Variants in TTLL11 observed in about 807,000 individuals in gnomAD.
The protein encoded by TTLL11 is tubulin polyglutamylase TTLL11.
In TTLL11, 42 loss-of-function variants were observed where a neutral mutation model predicts 51.7. The observed-to-expected ratio is 0.81, with a 90% CI of 0.64 to 1.05. TTLL11 has a LOEUF of 1.05. Among genes scored for constraint, TTLL11 ranks in the 50% least tolerant of loss-of-function variants. The probability of loss-of-function intolerance (pLI) is 0.00; values close to 1 mark genes in which losing one functional copy is unlikely to be tolerated. For synonymous variants in TTLL11, 381 were observed against 383.5 expected, an observed-to-expected ratio of 0.99 and a Z score of 0.08; for missense variants, 799 against 940.4, an observed-to-expected ratio of 0.85 and a Z score of 1.97.
At position 121,868,130 on chromosome 9, in the gene TTLL11, A is replaced by C. The variant is rs142404335; in HGVS notation, c.1733+2367T>G. Among the ~76,000 whole-genome samples the C allele has an allele frequency of 5.5e-4, 83 of 152,200 alleles. 1 individual carries two copies. Among genetic ancestry groups the C allele is most frequent in the African/African-American group, 2.0e-3 (82 of 41,536 alleles). Reference sequence around the variant, plus strand: ...CAAGGAAGCTTCTGCCTTTGCTCCAAAGATCTGTGCCCACAGATGTCTTAT... The same window carrying C: ...CAAGGAAGCTTCTGCCTTTGCTCCACAGATCTGTGCCCACAGATGTCTTAT... On this transcript the variant is annotated intron_variant, in intron 7 of 8. Coordinates refer to ENST00000321582, the MANE Select transcript of TTLL11 (RefSeq NM_001139442.2).
chr9:121,991,636 G>C (rs1843117161), intron 3 of TTLL11, among the ~76,000 whole-genome samples: 1 of 152,188 alleles, frequency 6.6e-6, no homozygotes, highest in African/African-American at 2.4e-5. Context: ...ATATTATCCA[G>C]AGCAATATTT....
At chr9:121,903,563 A>G (rs1458493682) in intron 6 of TTLL11, among the ~76,000 whole-genome samples, 1 of 152,244 alleles carries the variant, frequency 6.6e-6, no homozygotes, top group African/African-American at 2.4e-5. Flanking sequence ...TATCCTTAAA[A>G]TGAAGGTAAT....
intron 3 of TTLL11, among the ~76,000 whole-genome samples, chr9:122,028,487 T>A (rs1190035199): frequency 6.6e-6 from 1 of 152,106 alleles, no homozygotes; most frequent in African/African-American, 2.4e-5. Context: ...AAGTTACTGA[T>A]AAAGGAGTCA....
chr9:121,841,408 C>A (rs1341882508), intron 8 of TTLL11, among the ~76,000 whole-genome samples: 1 of 152,190 alleles, frequency 6.6e-6, no homozygotes, highest in Non-Finnish European at 1.5e-5. Flanking sequence ...TCTCCAGGCC[C>A]TGTGTTGCCA....
At chr9:122,077,850 G>GATGGGAGGA (rs1320877963) in intron 1 of TTLL11, among the ~76,000 whole-genome samples, 1 of 137,024 alleles carries the variant, frequency 7.3e-6, no homozygotes, top group Admixed American at 7.3e-5. Flanking sequence ...AAAAAAAAAA[G>GATGGGAGGA]ATGGGAGGAA....
At chr9:121,902,253 C>T (rs1384178407) in intron 6 of TTLL11, among the ~76,000 whole-genome samples, 4 of 152,288 alleles carry the variant, frequency 2.6e-5, no homozygotes, top group Non-Finnish European at 5.9e-5. Flanking sequence ...ATTTTGAAAG[C>T]TTTTTCCTCC....
intron 1 of TTLL11, among the ~76,000 whole-genome samples, chr9:122,049,406 G>C (rs565379261): frequency 6.6e-6 from 1 of 152,238 alleles, no homozygotes; most frequent in Admixed American, 6.5e-5. Flanking sequence ...TATAGTAAGG[G>C]CAGAGGCAGG....
At chr9:121,842,874 T>G (rs1173102847) in intron 8 of TTLL11, among the ~76,000 whole-genome samples, 2 of 152,236 alleles carry the variant, frequency 1.3e-5, no homozygotes, top group African/African-American at 4.8e-5. Context: ...ATTATGGCTC[T>G]ACCACTCACG....
At chr9:121,892,061 AATAT>A (rs1839261284) in intron 6 of TTLL11, among the ~76,000 whole-genome samples, 1 of 146,662 alleles carries the variant, frequency 6.8e-6, no homozygotes, top group South Asian at 2.1e-4. Context: ...AAATATAAAA[AATAT>A]ATAAACTATA....
rs1288382468 is a variant in TTLL11 at position 121,816,011 on chromosome 9, T to G, written c.*6576A>C. The G allele has an allele frequency of 1.3e-5, 2 of 152,126 alleles. No homozygotes were observed. Among genetic ancestry groups the G allele is most frequent in the Admixed American group, 1.3e-4 (2 of 15,280 alleles). 9.4% of individuals were successfully genotyped at this position (152,126 alleles called of 1,614,324 possible). A position where few individuals can be genotyped will look rare whatever the true frequency, so the allele number is the denominator to read the frequency against. ...CTTCCTTTTCTCGACAGACATGTAT[T>G]AAGACACTTCCCAGGTGCCAAGTCC... is the stretch of plus-strand genomic sequence containing the variant. On this transcript the variant is annotated 3_prime_UTR_variant, in exon 9 of 9. Transcript: ENST00000321582.
chr9:122,093,305 A>T lies in TTLL11; in HGVS notation c.-157T>A, dbSNP rs548100711. The stretch of plus-strand genomic sequence containing the variant: ...CGCTCAGGCTCGGGTTGACAGCGGC[A>T]GTCACCGCATCGAGACGGGGTCCGG... On this transcript the variant is annotated 5_prime_UTR_variant, in exon 1 of 9. Coordinates refer to ENST00000321582, the MANE Select transcript of TTLL11 (RefSeq NM_001139442.2). 153 of 1,576,520 alleles carry T rather than the reference A, an allele frequency of 9.7e-5. 2 individuals carry two copies. The Middle Eastern group carries it at 1.5e-3, about 16-fold the overall frequency.
chr9:121,919,129 C>T (rs766877792), intron 6 of TTLL11, among the ~76,000 whole-genome samples: 58 of 152,152 alleles, frequency 3.8e-4, no homozygotes, highest in Non-Finnish European at 7.9e-4. Flanking sequence ...TAAATGTCCA[C>T]CTGACATATT....
At chr9:121,911,759 A>C (rs941254592) in intron 6 of TTLL11, among the ~76,000 whole-genome samples, 1 of 152,134 alleles carries the variant, frequency 6.6e-6, no homozygotes, top group Non-Finnish European at 1.5e-5. Context: ...GGAGGGGAAC[A>C]TCACACACCG....
In TTLL11 at chr9:121,980,831, TA is replaced by T. The variant is rs561521171; in HGVS notation, c.1270-5853del. Among the ~76,000 whole-genome samples the T allele has an allele frequency of 1.5e-3, 221 of 152,328 alleles. 1 individual carries two copies. Among genetic ancestry groups the T allele is most frequent in the African/African-American group, 4.9e-3 (205 of 41,590 alleles). On this transcript the variant is annotated intron_variant, in intron 4 of 8. Coordinates refer to ENST00000321582, the MANE Select transcript of TTLL11 (RefSeq NM_001139442.2). ...TACGCCATGGAATACTATGCAGCCA[TA>T]AAAAAGGGAGGCCTTTCTAAAGAGG...
intron 3 of TTLL11, among the ~76,000 whole-genome samples, chr9:122,000,797 A>G (rs1257165165): frequency 6.6e-6 from 1 of 152,216 alleles, no homozygotes; most frequent in Non-Finnish European, 1.5e-5. Flanking sequence ...ATAAACTTGC[A>G]TCCACTTTAC....
chr9:121,966,424 C>T (rs1250805896), intron 6 of TTLL11, among the ~76,000 whole-genome samples: 1 of 152,110 alleles, frequency 6.6e-6, no homozygotes, highest in African/African-American at 2.4e-5. Context: ...AGTCCAGTTC[C>T]CTGAAATATC....
At chr9:121,900,710 T>G (rs2131473437) in intron 6 of TTLL11, among the ~76,000 whole-genome samples, 1 of 152,370 alleles carries the variant, frequency 6.6e-6, no homozygotes, top group African/African-American at 2.4e-5. Flanking sequence ...TTCTGACTAA[T>G]TTCTTCAAAT....
intron 3 of TTLL11, among the ~76,000 whole-genome samples, chr9:122,030,214 G>C (rs1052619310): frequency 7.9e-6 from 1 of 126,258 alleles, no homozygotes; most frequent in East Asian, 2.6e-4. Flanking sequence ...GGGGGGGGGG[G>C]GTAATTATGA....
At position 122,093,297 on chromosome 9, in the gene TTLL11, A is replaced by C; in HGVS notation, c.-149T>G. On this transcript the variant is annotated 5_prime_UTR_variant, in exon 1 of 9. Transcript: ENST00000321582. Reference sequence around the variant, plus strand: ...GCCATGATCGCTCAGGCTCGGGTTGACAGCGGCAGTCACCGCATCGAGACG... The same window carrying C: ...GCCATGATCGCTCAGGCTCGGGTTGCCAGCGGCAGTCACCGCATCGAGACG... The C allele has an allele frequency of 6.3e-7, 1 of 1,575,688 alleles. No individual in the cohort carries two copies.
Sources: allele counts gnomAD v4.1 joint callset (sites outside exome capture counted in the v4.1 genomes callset), GRCh38; gene constraint gnomAD v4.1.1; transcripts MANE v1.5; gene names NCBI Gene and HGNC (gene_info 2026-07-23, HGNC 2026-07-21).